Variants in TANC2 observed in about 807,000 individuals in gnomAD.
TANC2 encodes the protein tetratricopeptide repeat, ankyrin repeat and coiled-coil containing 2, also known as protein TANC2.
TANC2 carries 26 observed loss-of-function variants against 210.5 expected under a neutral mutation model. The observed-to-expected ratio is 0.12, with a 90% CI of 0.09 to 0.17. The LOEUF is 0.17. Ranked by LOEUF, TANC2 falls within the 10% of genes least tolerant of loss-of-function variation. TANC2 has a pLI of 1.00. For synonymous variants in TANC2, 931 were observed against 967.1 expected, an observed-to-expected ratio of 0.96 and a Z score of 0.69; for missense variants, 2,129 against 2,608.9, an observed-to-expected ratio of 0.82 and a Z score of 4.01.
chr17:63,032,825 G>A (rs559619878), intron 2 of TANC2, among the ~76,000 whole-genome samples: 4 of 152,152 alleles, frequency 2.6e-5, no homozygotes, highest in East Asian at 3.9e-4. Flanking sequence ...CTGATGACTA[G>A]GAGTTAGTTA....
intron 8 of TANC2, among the ~76,000 whole-genome samples, chr17:63,255,863 G>T (rs993390810): frequency 1.7e-5 from 2 of 121,116 alleles, no homozygotes; most frequent in South Asian, 2.6e-4. Context: ...TGTTTACTTT[G>T]TTCTTTAAGA....
chr17:63,141,796 T>A (rs1373912346), intron 4 of TANC2, among the ~76,000 whole-genome samples: 5 of 151,924 alleles, frequency 3.3e-5, no homozygotes, highest in East Asian at 1.9e-4. Context: ...ATACTCATTT[T>A]AAAAAAAATT....
chr17:63,034,823 A>G (rs2034908370), intron 2 of TANC2, among the ~76,000 whole-genome samples: 1 of 152,220 alleles, frequency 6.6e-6, no homozygotes, highest in East Asian at 1.9e-4. Flanking sequence ...TAAAACTTGA[A>G]TGGATGAGAA....
chr17:63,371,037 C>T (rs1041784413), intron 14 of TANC2, among the ~76,000 whole-genome samples: 5 of 152,096 alleles, frequency 3.3e-5, no homozygotes, highest in Admixed American at 1.3e-4. Context: ...CATTAGCCTC[C>T]GTAATATAAA....
chr17:63,122,805 T>C (rs1045574212), intron 4 of TANC2, among the ~76,000 whole-genome samples: 4 of 152,226 alleles, frequency 2.6e-5, no homozygotes, highest in African/African-American at 9.6e-5. Context: ...AATTATACTT[T>C]GCTTTAATAT....
intron 9 of TANC2, among the ~76,000 whole-genome samples, chr17:63,273,284 C>A (rs1045865618): frequency 2.0e-5 from 3 of 151,932 alleles, no homozygotes; most frequent in East Asian, 1.9e-4. Context: ...TAGAAGGAGA[C>A]CCTGTCTCAT....
chr17:63,246,744 T>C (rs2042930670), intron 8 of TANC2, among the ~76,000 whole-genome samples: 1 of 152,194 alleles, frequency 6.6e-6, no homozygotes, highest in Non-Finnish European at 1.5e-5. Context: ...TTTTGGTCTA[T>C]TGTGAATAGT....
At chr17:63,110,795 AC>A (rs1213592420) in intron 4 of TANC2, among the ~76,000 whole-genome samples, 2 of 152,172 alleles carry the variant, frequency 1.3e-5, no homozygotes, top group Non-Finnish European at 2.9e-5. Context: ...ACACGTTCAA[AC>A]CATAGCACCA....
At chr17:62,993,662 C>T (rs529486895) in intron 1 of TANC2, among the ~76,000 whole-genome samples, 2 of 152,142 alleles carry the variant, frequency 1.3e-5, no homozygotes, top group African/African-American at 2.4e-5. Context: ...CATAGTGGCT[C>T]ATGCCTGTAA....
intron 3 of TANC2, among the ~76,000 whole-genome samples, chr17:63,085,140 A>C (rs991386634): frequency 1.3e-5 from 2 of 152,020 alleles, no homozygotes; most frequent in Non-Finnish European, 2.9e-5. Flanking sequence ...TTTTTGCCTC[A>C]TGTTTTGATT....
intron 5 of TANC2, among the ~76,000 whole-genome samples, chr17:63,157,116 C>T (rs960747144): frequency 6.6e-6 from 1 of 152,098 alleles, no homozygotes; most frequent in Non-Finnish European, 1.5e-5. Flanking sequence ...TTGTGTTCCT[C>T]TTTGGTGGGT....
At chr17:62,981,457 A>G (rs1354374574) in intron 1 of TANC2, among the ~76,000 whole-genome samples, 1 of 152,010 alleles carries the variant, frequency 6.6e-6, no homozygotes, top group Non-Finnish European at 1.5e-5. Context: ...CACTAGACCT[A>G]TTATTCCCCA....
intron 7 of TANC2, among the ~76,000 whole-genome samples, chr17:63,216,030 C>T (rs2042017448): frequency 6.6e-6 from 1 of 151,954 alleles, no homozygotes; most frequent in Non-Finnish European, 1.5e-5. Context: ...GGATTATGGG[C>T]ATGAGCCACC....
chr17:63,344,508 A>G (rs1273988179), intron 12 of TANC2, among the ~76,000 whole-genome samples: 2 of 152,206 alleles, frequency 1.3e-5, no homozygotes, highest in African/African-American at 4.8e-5. Context: ...ATAAGAAAAT[A>G]AACAAGCATG....
intron 5 of TANC2, among the ~76,000 whole-genome samples, chr17:63,176,805 CAAAA>C (rs60736520): frequency 0.011 from 1,017 of 93,152 alleles, 10 homozygotes; most frequent in African/African-American, 0.039. Flanking sequence ...GACTCCATCT[CAAAA>C]AAAAAAAAAA....
chr17:63,319,179 A>G (rs1417933498), intron 11 of TANC2, 89 bp downstream of exon 11: 1 of 1,326,442 alleles, frequency 7.5e-7, no homozygotes, highest in Non-Finnish European at 1.0e-6. Flanking sequence ...AAAGTGAACA[A>G]AAATACGTAA....
At chr17:63,209,455 A>T (rs2041820750) in intron 7 of TANC2, among the ~76,000 whole-genome samples, 1 of 151,918 alleles carries the variant, frequency 6.6e-6, no homozygotes, top group Non-Finnish European at 1.5e-5. Context: ...TTGTTTTGAG[A>T]TGGAGTCTCA....
chr17:63,162,502 C>T (rs1161062274), intron 5 of TANC2, among the ~76,000 whole-genome samples: 1 of 152,064 alleles, frequency 6.6e-6, no homozygotes, highest in Admixed American at 6.5e-5. Flanking sequence ...AACTAGAATG[C>T]TGTGCTCTGG....
intron 5 of TANC2, among the ~76,000 whole-genome samples, chr17:63,169,913 C>T (rs919343513): frequency 1.3e-5 from 2 of 151,586 alleles, no homozygotes; most frequent in East Asian, 1.9e-4. Flanking sequence ...GGGCAGATCA[C>T]GAGGTCAGGA....
Sources: allele counts gnomAD v4.1 joint callset (sites outside exome capture counted in the v4.1 genomes callset), GRCh38; gene constraint gnomAD v4.1.1; transcripts MANE v1.5; gene names NCBI Gene and HGNC (gene_info 2026-07-23, HGNC 2026-07-21).